The following DNAJC24 variants were observed in gnomAD, a reference collection of about 807,000 sequenced individuals.
DNAJC24 encodes the protein DnaJ heat shock protein family (Hsp40) member C24.
DNAJC24 carries 17 observed loss-of-function variants against 18.0 expected under a neutral mutation model. That is an observed-to-expected ratio of 0.94 (90% CI 0.65 to 1.42). The LOEUF (loss-of-function observed/expected upper bound fraction) is 1.42, where lower values mean the gene tolerates loss of function less well. Among genes scored for constraint, DNAJC24 ranks in the 40% most tolerant of loss-of-function variants. The probability of loss-of-function intolerance (pLI) is 0.00; values close to 1 mark genes in which losing one functional copy is unlikely to be tolerated. For synonymous variants in DNAJC24, 55 were observed against 57.7 expected (o/e 0.95, Z 0.21); for missense variants, 158 against 175.6 (o/e 0.90, Z 0.57).
rs531753402 is a variant in DNAJC24 at position 31,407,337 on chromosome 11, C to G, written c.112-7474C>G. ...AGTTAAGGATTAATATATGTAGCCA[C>G]TTTACCATAAAACTCTTACGTGTTT... On this transcript the variant is annotated intron_variant, in intron 2 of 4. Coordinates refer to ENST00000465995, the MANE Select transcript of DNAJC24 (RefSeq NM_181706.5). The G allele has an allele frequency of 4.6e-5, 7 of 152,274 alleles. No individual in the cohort carries two copies. The East Asian group carries it at 1.4e-3, about 29-fold the overall frequency. The allele number at this position is 152,274 out of a possible 1,614,324, so 9.4% of individuals were successfully genotyped here.
rs1202311415 is a variant in DNAJC24, at chr11:31,431,042, C to CA, written c.*642dup. 6.6e-6 allele frequency: 1 copy of CA among 152,038 alleles called. No homozygotes were observed. The highest frequency in any genetic ancestry group is 1.5e-5 in the Non-Finnish European group (1 of 68,012). 9.4% of individuals were successfully genotyped at this position (152,038 alleles called of 1,614,324 possible). On this transcript the variant is annotated 3_prime_UTR_variant, in exon 5 of 5. Transcript: ENST00000465995. The stretch of plus-strand genomic sequence containing the variant: ...TAATTTTAATTTCTTTTTTCTAAGA[C>CA]AGAGTCTCACTCTGTCGCGCCAGCT...
intron 2 of DNAJC24, among the ~76,000 whole-genome samples, chr11:31,408,650 T>G (rs570192702): frequency 6.6e-6 from 1 of 152,236 alleles, no homozygotes; most frequent in Non-Finnish European, 1.5e-5. Context: ...TATCATTTCC[T>G]GTATATCTTT....
intron 2 of DNAJC24, among the ~76,000 whole-genome samples, chr11:31,379,078 G>A (rs1952348521): frequency 6.6e-6 from 1 of 152,114 alleles, no homozygotes; most frequent in Non-Finnish European, 1.5e-5. Flanking sequence ...TCTGGTATTT[G>A]TTCTTTTGTT....
chr11:31,421,897 TAATA>T, intron 3 of DNAJC24: 2 of 416,028 alleles, frequency 4.8e-6, no homozygotes, highest in Admixed American at 2.7e-5. Flanking sequence ...ACCAAGCTGC[TAATA>T]GTTATTTAAT....
intron 2 of DNAJC24, among the ~76,000 whole-genome samples, chr11:31,400,710 CT>C (rs1478249190): frequency 6.6e-6 from 1 of 152,220 alleles, no homozygotes; most frequent in African/African-American, 2.4e-5. Flanking sequence ...TTCCTTACAT[CT>C]TGTTCAAAAA....
intron 2 of DNAJC24, among the ~76,000 whole-genome samples, chr11:31,391,446 CTT>C (rs1042596749): frequency 1.3e-5 from 2 of 152,118 alleles, no homozygotes; most frequent in African/African-American, 4.8e-5. Flanking sequence ...GGGCAAAAAA[CTT>C]AATAGACATT....
intron 2 of DNAJC24, among the ~76,000 whole-genome samples, chr11:31,396,954 C>T (rs889955272): frequency 6.6e-6 from 1 of 152,156 alleles, no homozygotes; most frequent in East Asian, 1.9e-4. Context: ...ACTTCCCTCT[C>T]CCTGGAATAC....
chr11:31,402,886 CATT>C (rs72435171), intron 2 of DNAJC24, among the ~76,000 whole-genome samples: 43,725 of 151,956 alleles, frequency 0.29, 6,382 homozygotes, highest in African/African-American at 0.33. Context: ...TGTACTGTGA[CATT>C]ATAACAGCTA....
chr11:31,398,574 G>A (rs1348269576), intron 2 of DNAJC24, among the ~76,000 whole-genome samples: 1 of 152,140 alleles, frequency 6.6e-6, no homozygotes, highest in Non-Finnish European at 1.5e-5. Flanking sequence ...ATTCAAATAA[G>A]AGGTAGATAA....
At chr11:31,403,519 G>T (rs1233612996) in intron 2 of DNAJC24, among the ~76,000 whole-genome samples, 4 of 152,166 alleles carry the variant, frequency 2.6e-5, no homozygotes, top group African/African-American at 7.2e-5. Context: ...AACATTTTTT[G>T]ATTTGCAGTT....
At chr11:31,417,058 A>G (rs1466010260) in intron 3 of DNAJC24, 1 of 152,116 alleles carries the variant, frequency 6.6e-6, no homozygotes, top group African/African-American at 2.4e-5. Context: ...AATTTATACA[A>G]TATCAGTTTG....
At chr11:31,382,122 T>G (rs1299194229) in intron 2 of DNAJC24, among the ~76,000 whole-genome samples, 2 of 152,152 alleles carry the variant, frequency 1.3e-5, no homozygotes, top group East Asian at 3.8e-4. Context: ...AGAGTTTATT[T>G]TAAGTACTGG....
intron 2 of DNAJC24, among the ~76,000 whole-genome samples, chr11:31,399,439 G>T (rs1952576628): frequency 6.8e-6 from 1 of 147,266 alleles, no homozygotes. Context: ...TTTTGAGACG[G>T]AGTCTCGCTC....
intron 2 of DNAJC24, among the ~76,000 whole-genome samples, chr11:31,401,495 C>T (rs901736816): frequency 1.3e-5 from 2 of 151,956 alleles, no homozygotes; most frequent in Non-Finnish European, 2.9e-5. Context: ...CCCTCTTCCC[C>T]TTCCTCTGCC....
chr11:31,420,532 G>C (rs1420269622), intron 3 of DNAJC24, among the ~76,000 whole-genome samples: 3 of 152,054 alleles, frequency 2.0e-5, no homozygotes, highest in Non-Finnish European at 4.4e-5. Flanking sequence ...TTGGTTTTTA[G>C]TCATTTTCTT....
Position 31,397,435 on chromosome 11 carries a change from A to T in DNAJC24, c.112-17376A>T, listed in dbSNP as rs369603343. ...TTCTTTAGGCAATATTTTACTAAGC[A>T]ATAGGTGGCAGTAGTGTGTTGTACT... On this transcript the variant is annotated intron_variant, in intron 2 of 4. Coordinates refer to ENST00000465995, the MANE Select transcript of DNAJC24 (RefSeq NM_181706.5). Among the ~76,000 whole-genome samples, 3 of 151,934 alleles carry T rather than the reference A, an allele frequency of 2.0e-5. No homozygotes were observed. In the East Asian group the frequency reaches 5.8e-4, roughly 29 times the overall value.
At chr11:31,370,925 A>G in intron 2 of DNAJC24, 66 bp downstream of exon 2, 2 of 999,718 alleles carry the variant, frequency 2.0e-6, no homozygotes, top group East Asian at 2.6e-5. Flanking sequence ...TGAAACCACA[A>G]ATTTAGGTTT....
intron 2 of DNAJC24, among the ~76,000 whole-genome samples, chr11:31,385,292 GTAGATT>G (rs1402621595): frequency 1.3e-5 from 2 of 152,148 alleles, no homozygotes; most frequent in African/African-American, 4.8e-5. Flanking sequence ...AGATACATGA[GTAGATT>G]TTAGAATCTA....
chr11:31,373,071 T>C lies in DNAJC24; in HGVS notation c.111+2212T>C, dbSNP rs1018685784. 3.0e-5 allele frequency among the ~76,000 whole-genome samples: 4 copies of C among 135,202 alleles called. 1 individual carries two copies. Among genetic ancestry groups the C allele is most frequent in the Non-Finnish European group, 5.1e-5 (3 of 58,538 alleles). 88.7% of individuals were successfully genotyped at this position (135,202 alleles called of 152,430 possible). ...TTTTCTTTTATGAAGTGTTTTTTTT[T>C]AAATTAAATATATTCTTGATTCTGT... On this transcript the variant is annotated intron_variant, in intron 2 of 4. Transcript: ENST00000465995.
Sources: gnomAD v4.1 joint callset for allele counts (sites outside exome capture counted in the v4.1 genomes callset) on GRCh38, gnomAD v4.1.1 for gene constraint, MANE v1.5 for transcripts, NCBI Gene and HGNC (gene_info 2026-07-23, HGNC 2026-07-21) for gene names.